Variants in LRRC69 observed in about 807,000 individuals in gnomAD.
LRRC69 encodes the protein leucine rich repeat containing 69.
A neutral mutation model predicts 37.8 loss-of-function variants in LRRC69; 42 were observed. The observed-to-expected ratio is 1.11, with a 90% CI of 0.87 to 1.44. The LOEUF (loss-of-function observed/expected upper bound fraction) is 1.44. LRRC69 is among the 40% of genes most tolerant of loss of function. The probability of loss-of-function intolerance (pLI) is 0.00; values close to 1 mark genes in which losing one functional copy is unlikely to be tolerated. For missense variants in LRRC69, 357 were observed against 401.9 expected (o/e 0.89, Z 0.96); for synonymous variants, 141 against 143.1 (o/e 0.99, Z 0.11).
At chr8:91,148,162 ATGTTGG>A (rs1430466295) in intron 5 of LRRC69, among the ~76,000 whole-genome samples, 1 of 151,652 alleles carries the variant, frequency 6.6e-6, no homozygotes, top group African/African-American at 2.4e-5. Context: ...TACATGTGCC[ATGTTGG>A]TGTGCTGCAC....
At chr8:91,150,460 T>A (rs1490906649) in intron 5 of LRRC69, among the ~76,000 whole-genome samples, 3 of 152,010 alleles carry the variant, frequency 2.0e-5, no homozygotes, top group African/African-American at 7.2e-5. Context: ...GGATAAGCTT[T>A]TTGATGTGCT....
At chr8:91,153,409 C>T (rs1586250508) in intron 5 of LRRC69, among the ~76,000 whole-genome samples, 1 of 150,896 alleles carries the variant, frequency 6.6e-6, no homozygotes, top group Non-Finnish European at 1.5e-5. Context: ...ACAGAATATA[C>T]AGTCTTCTCA....
intron 5 of LRRC69, among the ~76,000 whole-genome samples, chr8:91,175,709 A>T (rs556982407): frequency 6.6e-6 from 1 of 152,198 alleles, no homozygotes; most frequent in Non-Finnish European, 1.5e-5. Context: ...GCATCAACAG[A>T]GTAGGAAACG....
At chr8:91,177,053 C>T (rs1809244456) in intron 5 of LRRC69, among the ~76,000 whole-genome samples, 1 of 151,934 alleles carries the variant, frequency 6.6e-6, no homozygotes, top group African/African-American at 2.4e-5. Flanking sequence ...TAATTATAGT[C>T]TTTTTTGGGG....
intron 7 of LRRC69, among the ~76,000 whole-genome samples, chr8:91,218,131 G>A (rs1810088070): frequency 6.6e-6 from 1 of 152,072 alleles, no homozygotes; most frequent in East Asian, 1.9e-4. Flanking sequence ...TTGGCCAAAT[G>A]GTTTCATGGT....
intron 1 of LRRC69, among the ~76,000 whole-genome samples, chr8:91,116,714 C>A (rs1435826553): frequency 6.6e-6 from 1 of 151,894 alleles, no homozygotes; most frequent in Non-Finnish European, 1.5e-5. Context: ...ACTTCAGATC[C>A]CTTTTCTGTA....
intron 6 of LRRC69, among the ~76,000 whole-genome samples, chr8:91,192,964 G>T (rs1305551860): frequency 6.6e-6 from 1 of 152,116 alleles, no homozygotes; most frequent in African/African-American, 2.4e-5. Context: ...TTCTTCTAGG[G>T]TTTTTTACGG....
chr8:91,151,261 G>A (rs1287208759), intron 5 of LRRC69, among the ~76,000 whole-genome samples: 2 of 149,970 alleles, frequency 1.3e-5, no homozygotes, highest in Non-Finnish European at 3.0e-5. Flanking sequence ...CTTTGCATGT[G>A]TCCCAGAGAT....
chr8:91,127,265 A>C, intron 3 of LRRC69, 105 bp downstream of exon 3: 1 of 808,808 alleles, frequency 1.2e-6, no homozygotes, highest in Non-Finnish European at 1.9e-6. Flanking sequence ...TGTGAGATTT[A>C]TACATAGCAA....
intron 5 of LRRC69, among the ~76,000 whole-genome samples, chr8:91,147,279 A>G (rs1056653143): frequency 1.5e-4 from 22 of 146,324 alleles, no homozygotes; most frequent in Middle Eastern, 3.7e-3. Context: ...CATATATTAT[A>G]TATAAACATA....
chr8:91,178,556 A>G (rs1231203647), intron 5 of LRRC69, among the ~76,000 whole-genome samples: 1 of 152,188 alleles, frequency 6.6e-6, no homozygotes, highest in African/African-American at 2.4e-5. Context: ...TCCCTTTGTC[A>G]TGTACTAGAC....
At chr8:91,142,419 G>T (rs1213960479) in intron 5 of LRRC69, among the ~76,000 whole-genome samples, 2 of 152,032 alleles carry the variant, frequency 1.3e-5, no homozygotes, top group Non-Finnish European at 2.9e-5. Context: ...CTAAAAATTT[G>T]CAAGTTATCA....
At chr8:91,198,784 C>A (rs994134243) in intron 6 of LRRC69, among the ~76,000 whole-genome samples, 2 of 152,000 alleles carry the variant, frequency 1.3e-5, no homozygotes, top group African/African-American at 2.4e-5. Flanking sequence ...TGTATACTCT[C>A]AAAAATTGCA....
At position 91,133,323 on chromosome 8, in the gene LRRC69, C is replaced by T. The variant is rs1813843988; in HGVS notation, c.579+18C>T. 4.1e-6 allele frequency: 6 copies of T among 1,480,540 alleles called. No individual in the cohort carries two copies. Among genetic ancestry groups the T allele is most frequent in the Non-Finnish European group, 4.5e-6 (5 of 1,121,210 alleles). 91.7% of individuals were successfully genotyped at this position (1,480,540 alleles called of 1,614,324 possible). A position where few individuals can be genotyped will look rare whatever the true frequency, so the allele number is the denominator to read the frequency against. On this transcript the variant is annotated intron_variant, in intron 4 of 7. Transcript: ENST00000448384. ...TGCCGGAGGTAAGCAAAACATGGAA[C>T]CACAGTAGTTTGCTGTTGGAGAAGA...
chr8:91,217,658 A>G (rs1242949489), intron 7 of LRRC69, among the ~76,000 whole-genome samples: 1 of 152,166 alleles, frequency 6.6e-6, no homozygotes, highest in East Asian at 1.9e-4. Context: ...CTCCCCCAGC[A>G]TATGCACTGA....
intron 5 of LRRC69, among the ~76,000 whole-genome samples, chr8:91,187,616 A>G (rs564755449): frequency 6.6e-6 from 1 of 152,270 alleles, no homozygotes; most frequent in Non-Finnish European, 1.5e-5. Flanking sequence ...AGGTTCCTTT[A>G]CTGAAAACTG....
chr8:91,119,715 C>G (rs1380134231), intron 1 of LRRC69, among the ~76,000 whole-genome samples: 1 of 152,006 alleles, frequency 6.6e-6, no homozygotes, highest in African/African-American at 2.4e-5. Flanking sequence ...TCCTAATCTC[C>G]TCCTCTCAGC....
intron 5 of LRRC69, among the ~76,000 whole-genome samples, chr8:91,145,171 C>T (rs1808596449): frequency 6.6e-6 from 1 of 151,878 alleles, no homozygotes; most frequent in South Asian, 2.1e-4. Flanking sequence ...TGTGGTTTGC[C>T]TTGTATCAAA....
At chr8:91,171,807 T>C (rs1437015816) in intron 5 of LRRC69, among the ~76,000 whole-genome samples, 2 of 151,980 alleles carry the variant, frequency 1.3e-5, no homozygotes, top group Admixed American at 6.6e-5. Context: ...TTGGAAAATA[T>C]AGATAAGCAA....
Sources: gnomAD v4.1 joint callset for allele counts (sites outside exome capture counted in the v4.1 genomes callset) on GRCh38, gnomAD v4.1.1 for gene constraint, MANE v1.5 for transcripts, NCBI Gene and HGNC (gene_info 2026-07-23, HGNC 2026-07-21) for gene names.